Variants in CNOT4 observed in about 807,000 individuals in gnomAD.
CNOT4 encodes the protein CCR4-NOT transcription complex subunit 4, also known as CCR4-associated factor 4.
A neutral mutation model predicts 73.8 loss-of-function variants in CNOT4; 8 were observed. That is an observed-to-expected ratio of 0.11 (90% confidence interval 0.06 to 0.20). CNOT4 has a LOEUF of 0.20. CNOT4 is among the 10% of genes least tolerant of loss of function. The probability of loss-of-function intolerance (pLI) is 1.00; values close to 1 mark genes in which losing one functional copy is unlikely to be tolerated. For missense variants in CNOT4, 564 were observed against 883.4 expected, an observed-to-expected ratio of 0.64 and a Z score of 4.58; for synonymous variants, 293 against 321.1, an observed-to-expected ratio of 0.91 and a Z score of 0.94.
intron 1 of CNOT4, among the ~76,000 whole-genome samples, chr7:135,447,312 T>A (rs1563056137): frequency 6.6e-6 from 1 of 152,176 alleles, no homozygotes; most frequent in East Asian, 1.9e-4. Context: ...ATACTTAATT[T>A]CCCCTTTTAA....
chr7:135,431,743 C>CA (rs1200457818), intron 2 of CNOT4, among the ~76,000 whole-genome samples: 2,553 of 20,702 alleles, frequency 0.12, 70 homozygotes, highest in African/African-American at 0.27. Flanking sequence ...AACTCCATCT[C>CA]AAAAAAAAAA....
intron 10 of CNOT4, chr7:135,386,445 T>C (rs765361142): frequency 2.6e-5 from 4 of 152,194 alleles, no homozygotes; most frequent in Admixed American, 6.5e-5. Context: ...TTTTAAAGAA[T>C]TTCTCATTCT....
chr7:135,431,472 G>C (rs928945466), intron 2 of CNOT4, among the ~76,000 whole-genome samples: 8 of 152,128 alleles, frequency 5.3e-5, no homozygotes, highest in Admixed American at 5.2e-4. Context: ...GGCTGGGTGC[G>C]GTGGCTCACG....
intron 1 of CNOT4, among the ~76,000 whole-genome samples, chr7:135,489,398 T>C (rs1441531388): frequency 7.0e-6 from 1 of 141,860 alleles, no homozygotes. Context: ...TTTCTTTTTT[T>C]TTTTTTTTTT....
In CNOT4 at chr7:135,384,683, T is replaced by G. The variant is rs1266796130; in HGVS notation, c.1627+9235A>C. The G allele has an allele frequency of 5.2e-6, 4 of 765,328 alleles. No individual in the cohort carries two copies. In the East Asian group the frequency reaches 9.7e-5, roughly 19 times the overall value. 47.4% of individuals were successfully genotyped at this position (765,328 alleles called of 1,614,324 possible). On this transcript the variant is annotated intron_variant, in intron 10 of 11. Coordinates refer to ENST00000541284, the MANE Select transcript of CNOT4 (RefSeq NM_001190850.2). ...TATCCTACTGAATGAGCCTATCTTC[T>G]CTTCAGCACTGCCAGTCTCTTCCTC...
At chr7:135,470,767 A>G (rs73450401) in intron 1 of CNOT4, among the ~76,000 whole-genome samples, 7,272 of 152,262 alleles carry the variant, frequency 0.048, 593 homozygotes, top group African/African-American at 0.17. Flanking sequence ...ATAAAACTCC[A>G]TAACAGCCAC....
chr7:135,497,886 T>C (rs556715609), intron 1 of CNOT4, among the ~76,000 whole-genome samples: 44 of 152,362 alleles, frequency 2.9e-4, no homozygotes, highest in African/African-American at 1.0e-3. Flanking sequence ...GACATTGTTT[T>C]ACAAGTGTAC....
intron 2 of CNOT4, among the ~76,000 whole-genome samples, chr7:135,433,796 G>A (rs1197612838): frequency 6.6e-6 from 1 of 152,112 alleles, no homozygotes; most frequent in Non-Finnish European, 1.5e-5. Context: ...CCACATCAGT[G>A]CACCACCTAT....
intron 10 of CNOT4, chr7:135,386,419 A>C (rs1796124311): frequency 6.6e-6 from 1 of 151,886 alleles, no homozygotes; most frequent in African/African-American, 2.4e-5. Context: ...CAACAACAAC[A>C]AAAAAAACCT....
intron 1 of CNOT4, among the ~76,000 whole-genome samples, chr7:135,441,504 T>C (rs902672324): frequency 1.3e-4 from 19 of 151,900 alleles, no homozygotes; most frequent in African/African-American, 4.1e-4. Flanking sequence ...TCCCCCAACT[T>C]TAAACATCCC....
chr7:135,505,104 C>A (rs2129488339), intron 1 of CNOT4, among the ~76,000 whole-genome samples: 1 of 152,278 alleles, frequency 6.6e-6, no homozygotes, highest in East Asian at 1.9e-4. Flanking sequence ...AGTAGCCATA[C>A]TTTAAAAAAG....
intron 1 of CNOT4, among the ~76,000 whole-genome samples, chr7:135,440,397 G>A (rs1007025662): frequency 2.6e-5 from 4 of 151,520 alleles, no homozygotes; most frequent in African/African-American, 4.9e-5. Flanking sequence ...GAGAAGTAGA[G>A]AGGATCAATG....
chr7:135,482,986 CAAAAAAAAAA>C (rs36125617), intron 1 of CNOT4, among the ~76,000 whole-genome samples: 2 of 43,520 alleles, frequency 4.6e-5, no homozygotes, highest in East Asian at 1.6e-3. Context: ...GACTCCATAT[CAAAAAAAAAA>C]AAAAAAAAAA....
intron 1 of CNOT4, among the ~76,000 whole-genome samples, chr7:135,502,240 G>A (rs1036396625): frequency 4.6e-5 from 7 of 152,086 alleles, no homozygotes; most frequent in African/African-American, 9.7e-5. Flanking sequence ...TATATAGAAC[G>A]TACATAATGT....
chr7:135,448,638 T>C (rs1029882593), intron 1 of CNOT4, among the ~76,000 whole-genome samples: 2 of 152,020 alleles, frequency 1.3e-5, no homozygotes, highest in Non-Finnish European at 2.9e-5. Context: ...AGCAACCAGA[T>C]GATGGATTTA....
intron 2 of CNOT4, among the ~76,000 whole-genome samples, chr7:135,426,147 G>A (rs959726824): frequency 4.6e-5 from 7 of 152,090 alleles, no homozygotes; most frequent in Non-Finnish European, 7.4e-5. Flanking sequence ...ACAGGAGTTC[G>A]AGGCTGCAAT....
intron 1 of CNOT4, among the ~76,000 whole-genome samples, chr7:135,500,310 A>G (rs960247232): frequency 1.3e-5 from 2 of 152,282 alleles, no homozygotes; most frequent in African/African-American, 4.8e-5. Context: ...TTATTCATCT[A>G]CCTCATTTAC....
chr7:135,488,732 T>G (rs1230669798), intron 1 of CNOT4, among the ~76,000 whole-genome samples: 2 of 152,184 alleles, frequency 1.3e-5, no homozygotes, highest in Non-Finnish European at 2.9e-5. Context: ...ATTTTAAAAT[T>G]ATGTTATCAT....
At chr7:135,414,537 T>TTACAATGACTACTACTATTACTAC in intron 4 of CNOT4, 105 bp from the exon 5 acceptor site, 1 of 608,838 alleles carries the variant, frequency 1.6e-6, no homozygotes, top group South Asian at 2.4e-5. Flanking sequence ...ACTACTACTA[T>TTACAATGACTACTACTATTACTAC]TACTAATGAC....
Sources: gnomAD v4.1 joint callset for allele counts (sites outside exome capture counted in the v4.1 genomes callset) on GRCh38, gnomAD v4.1.1 for gene constraint, MANE v1.5 for transcripts, NCBI Gene and HGNC (gene_info 2026-07-23, HGNC 2026-07-21) for gene names.